ERI3: variants seen among roughly 807,000 people sequenced by gnomAD.
ERI3 encodes ERI1 exoribonuclease 3.
ERI3 carries 18 observed loss-of-function variants against 44.4 expected under a neutral mutation model. That is an observed-to-expected ratio of 0.41 (90% CI 0.28 to 0.60). The LOEUF (loss-of-function observed/expected upper bound fraction) is 0.60. ERI3 is among the 20% of genes least tolerant of loss of function. The probability of loss-of-function intolerance (pLI) is 0.36; values close to 1 mark genes in which losing one functional copy is unlikely to be tolerated. For synonymous variants in ERI3, 183 were observed against 164.8 expected (o/e 1.11, Z -0.84); for missense variants, 294 against 435.5 (o/e 0.68, Z 2.89).
At chr1:44,247,243 T>C (rs1019963358) in intron 8 of ERI3, among the ~76,000 whole-genome samples, 1 of 152,102 alleles carries the variant, frequency 6.6e-6, no homozygotes, top group East Asian at 1.9e-4. Context: ...GTGTCACACA[T>C]ATGCAGACAC....
At chr1:44,352,819 G>C (rs1572362502) in intron 2 of ERI3, 31 bp downstream of exon 2, 5 of 1,612,968 alleles carry the variant, frequency 3.1e-6, no homozygotes, top group Non-Finnish European at 4.2e-6. Flanking sequence ...AGAAAATAAA[G>C]CCAGACTTGA....
chr1:44,223,334 G>A (rs549227543), intron 8 of ERI3, among the ~76,000 whole-genome samples: 1 of 152,230 alleles, frequency 6.6e-6, no homozygotes, highest in African/African-American at 2.4e-5. Flanking sequence ...AGGAGGGAGG[G>A]GCTGTGCTAG....
intron 3 of ERI3, among the ~76,000 whole-genome samples, chr1:44,331,991 C>A (rs926739567): frequency 6.6e-6 from 1 of 152,180 alleles, no homozygotes; most frequent in Admixed American, 6.5e-5. Flanking sequence ...CAAATGTCTG[C>A]CCTCCTTGAC....
chr1:44,342,468 T>C (rs949913229), intron 2 of ERI3, among the ~76,000 whole-genome samples: 1 of 151,842 alleles, frequency 6.6e-6, no homozygotes, highest in Non-Finnish European at 1.5e-5. Context: ...TGGTGTTGGA[T>C]TGGAATTGGC....
intron 1 of ERI3, chr1:44,353,814 A>C: frequency 1.0e-6 from 1 of 985,374 alleles, no homozygotes. Flanking sequence ...AAGTGCTCTG[A>C]GCTCCAGTGA....
At chr1:44,232,067 C>T (rs1175769810) in intron 8 of ERI3, among the ~76,000 whole-genome samples, 4 of 152,166 alleles carry the variant, frequency 2.6e-5, no homozygotes, top group South Asian at 2.1e-4. Context: ...AATTAACCGA[C>T]CTTAGGATCG....
At chr1:44,288,769 G>A (rs1470716946) in intron 6 of ERI3, among the ~76,000 whole-genome samples, 1 of 152,212 alleles carries the variant, frequency 6.6e-6, no homozygotes, top group East Asian at 1.9e-4. Context: ...ACTGCTCAAG[G>A]TCACACCTGG....
chr1:44,333,927 G>A (rs11210983), intron 3 of ERI3, among the ~76,000 whole-genome samples: 46,020 of 152,026 alleles, frequency 0.3, 7,956 homozygotes, highest in East Asian at 0.5. Context: ...CAAGGTTTCC[G>A]TAAAAAGGAA....
chr1:44,282,098 G>C (rs537324542), intron 7 of ERI3, among the ~76,000 whole-genome samples: 1 of 152,216 alleles, frequency 6.6e-6, no homozygotes, highest in South Asian at 2.1e-4. Context: ...GGAAGTAGGT[G>C]GCAGCAGGAG....
intron 7 of ERI3, chr1:44,284,117 C>A (rs1258814502): frequency 6.4e-6 from 3 of 468,352 alleles, no homozygotes; most frequent in South Asian, 3.1e-5. Flanking sequence ...GTGGACTGGG[C>A]CTCCTGGAGC....
chr1:44,278,427 A>G (rs1645221677), intron 7 of ERI3, among the ~76,000 whole-genome samples: 1 of 151,768 alleles, frequency 6.6e-6, no homozygotes, highest in Non-Finnish European at 1.5e-5. Context: ...CAGTGAACCA[A>G]GATCATGCCA....
At chr1:44,260,130 C>A (rs1644864738) in intron 7 of ERI3, among the ~76,000 whole-genome samples, 1 of 152,210 alleles carries the variant, frequency 6.6e-6, no homozygotes, top group Non-Finnish European at 1.5e-5. Flanking sequence ...CAGAACCCAG[C>A]AACTCAAACA....
chr1:44,305,179 T>C (rs1266522104), intron 6 of ERI3, among the ~76,000 whole-genome samples: 1 of 152,206 alleles, frequency 6.6e-6, no homozygotes, highest in East Asian at 1.9e-4. Flanking sequence ...GGAAAGCCTC[T>C]AGTCTAGGTT....
intron 3 of ERI3, among the ~76,000 whole-genome samples, chr1:44,324,542 C>T (rs941422499): frequency 7.8e-6 from 1 of 128,826 alleles, no homozygotes. Context: ...GTTGCAGTGG[C>T]GAGATCTTGG....
At chr1:44,329,575 T>G (rs1043920735) in intron 3 of ERI3, among the ~76,000 whole-genome samples, 9 of 152,182 alleles carry the variant, frequency 5.9e-5, no homozygotes, top group Admixed American at 5.2e-4. Context: ...CAATGCAATC[T>G]CAAATCATGG....
At chr1:44,354,740 T>A in intron 1 of ERI3, 152 bp downstream of exon 1, 1 of 1,239,666 alleles carries the variant, frequency 8.1e-7, no homozygotes, top group Non-Finnish European at 1.0e-6. Context: ...CCGCTCCCCC[T>A]CCGCCAGAAC....
chr1:44,321,127 G>A (rs1286353637), intron 3 of ERI3, among the ~76,000 whole-genome samples: 3 of 152,202 alleles, frequency 2.0e-5, no homozygotes, highest in Admixed American at 2.0e-4. Context: ...TCCCAGGAAA[G>A]CCAGGTATCC....
chr1:44,338,047 T>A (rs1468340768), intron 3 of ERI3, among the ~76,000 whole-genome samples: 5 of 152,132 alleles, frequency 3.3e-5, no homozygotes, highest in Admixed American at 1.3e-4. Flanking sequence ...TACTTCAATA[T>A]CACCTGCAGC....
chr1:44,315,368 C>A (rs1425378579), intron 4 of ERI3, among the ~76,000 whole-genome samples: 2 of 152,204 alleles, frequency 1.3e-5, no homozygotes, highest in Non-Finnish European at 2.9e-5. Context: ...CTGTGTGTAC[C>A]CCATAAGCCC....
Sources: gnomAD v4.1 joint callset for allele counts (sites outside exome capture counted in the v4.1 genomes callset) on GRCh38, gnomAD v4.1.1 for gene constraint, MANE v1.5 for transcripts, NCBI Gene and HGNC (gene_info 2026-07-23, HGNC 2026-07-21) for gene names.